The following CAPG variants were observed in gnomAD, a reference collection of about 807,000 sequenced individuals.
CAPG encodes the protein capping actin protein, gelsolin like.
CAPG carries 32 observed loss-of-function variants against 44.6 expected under a neutral mutation model. The ratio of observed to expected loss-of-function variants is 0.72; its 90% CI spans 0.54 to 0.96. The LOEUF is 0.96. Among genes scored for constraint, CAPG ranks in the 50% least tolerant of loss-of-function variants. The pLI, the probability that CAPG is intolerant of heterozygous loss-of-function variation, is 0.00. For missense variants in CAPG, 412 were observed against 438.3 expected, an observed-to-expected ratio of 0.94 and a Z score of 0.54; for synonymous variants, 175 against 179.6, an observed-to-expected ratio of 0.97 and a Z score of 0.20.
intron 1 of CAPG, among the ~76,000 whole-genome samples, chr2:85,416,061 C>A (rs1445691478): frequency 2.0e-5 from 3 of 152,078 alleles, no homozygotes; most frequent in African/African-American, 7.2e-5. Context: ...ATGCAAGATA[C>A]CATCACCATT....
chr2:85,401,457 G>A (rs1425183941), intron 4 of CAPG, 72 bp downstream of exon 4: 9 of 1,593,030 alleles, frequency 5.6e-6, no homozygotes, highest in African/African-American at 1.3e-5. Flanking sequence ...TCTGCAGGGT[G>A]AGAACCAGCC....
rs1216183195 is a variant in CAPG at position 85,395,937 on chromosome 2, G to A, written c.893-311C>T. On this transcript the variant is annotated intron_variant, in intron 8 of 9. Coordinates refer to ENST00000263867, the MANE Select transcript of CAPG (RefSeq NM_001747.4). The surrounding 1 kb of genome is among the most constrained non-coding windows in gnomAD (Gnocchi z 4.3). ...GGAACAGGTGTTCACCCTAGCATCAGACTGTGAGGCCGCAGGTCTCCTTTT... is the reference window on the plus strand; with the variant it reads ...GGAACAGGTGTTCACCCTAGCATCAAACTGTGAGGCCGCAGGTCTCCTTTT... 1 of 324,928 alleles carries A rather than the reference G, an allele frequency of 3.1e-6. No individual in the cohort carries two copies. The highest frequency in any genetic ancestry group is 9.3e-4 in the Middle Eastern group (1 of 1,072). The allele number at this position is 324,928 out of a possible 1,614,324, so 20.1% of individuals were successfully genotyped here. A position where few individuals can be genotyped will look rare whatever the true frequency, so the allele number is the denominator to read the frequency against.
intron 1 of CAPG, among the ~76,000 whole-genome samples, chr2:85,406,053 G>A (rs918598602): frequency 3.3e-5 from 5 of 152,286 alleles, no homozygotes; most frequent in Admixed American, 6.5e-5. Flanking sequence ...TGTAATCCTA[G>A]CACTTTGGGA....
At chr2:85,416,596 TC>T (rs370278165) in intron 1 of CAPG, among the ~76,000 whole-genome samples, 4 of 151,172 alleles carry the variant, frequency 2.6e-5, no homozygotes, top group South Asian at 2.1e-4. Flanking sequence ...ACTGCAACCT[TC>T]CCCCCCGCCG....
chr2:85,417,548 T>C (rs1300654758), intron 1 of CAPG, among the ~76,000 whole-genome samples: 1 of 144,852 alleles, frequency 6.9e-6, no homozygotes, highest in Non-Finnish European at 1.5e-5. Flanking sequence ...AGTGGCACCA[T>C]CTCGGCTCAC....
At chr2:85,417,377 A>G (rs1687579755) in intron 1 of CAPG, among the ~76,000 whole-genome samples, 1 of 151,702 alleles carries the variant, frequency 6.6e-6, no homozygotes, top group South Asian at 2.1e-4. Context: ...GCGGCAGAGG[A>G]TAGATGGGAG....
upstream of CAPG, among the ~76,000 whole-genome samples, chr2:85,411,079 C>A (rs1307222543): frequency 6.6e-6 from 1 of 152,092 alleles, no homozygotes; most frequent in Non-Finnish European, 1.5e-5. Flanking sequence ...TGGTCTAGAA[C>A]TCCTGAACTG....
Position 85,394,806 on chromosome 2 carries a change from G to A in CAPG, c.*87C>T, listed in dbSNP as rs1686504298. ...TCTCCTTTATTGAACATCTGCAGGG[G>A]GCACCTCTGCACTGACCAGGCAGCC... On this transcript the variant is annotated 3_prime_UTR_variant, in exon 10 of 10. Transcript: ENST00000263867. 2 of 904,392 alleles carry A rather than the reference G, an allele frequency of 2.2e-6. No homozygotes were observed. Among genetic ancestry groups the A allele is most frequent in the Admixed American group, 1.7e-5 (1 of 58,434 alleles). 56.0% of individuals were successfully genotyped at this position (904,392 alleles called of 1,614,324 possible). A position where few individuals can be genotyped will look rare whatever the true frequency, so the allele number is the denominator to read the frequency against.
rs1392349652 is a variant in CAPG, at chr2:85,401,682, G to A, written c.198C>T (p.Gly66=). Residue 66 remains glycine, a splice_region_variant and synonymous_variant, in exon 4 of 10, where the codon GGC becomes GGT. Coordinates refer to ENST00000263867, the MANE Select transcript of CAPG (RefSeq NM_001747.4). The stretch of plus-strand genomic sequence containing the variant: ...CCTGCTCATCCCGGGATGACTGCTG[G>A]CCTGGGACAAGTGGGAGAGGGCAGG... The part of the protein sequence containing the change: ...EEVSHLHLWI[G]QQSSRDEQGA... 6.2e-7 allele frequency: 1 copy of A among 1,614,150 alleles called. No homozygotes were observed. Among genetic ancestry groups the A allele is most frequent in the Non-Finnish European group, 8.5e-7 (1 of 1,180,016 alleles).
At chr2:85,411,994 G>A (rs1162327007), upstream of CAPG, among the ~76,000 whole-genome samples, 8 of 151,786 alleles carry the variant, frequency 5.3e-5, no homozygotes, top group Non-Finnish European at 1.0e-4. Flanking sequence ...CCCAGGAGGC[G>A]GAGGCTGCAG....
At chr2:85,419,510 CTT>C (rs1019267091), upstream of CAPG, among the ~76,000 whole-genome samples, 1 of 152,210 alleles carries the variant, frequency 6.6e-6, no homozygotes, top group African/African-American at 2.4e-5. Context: ...AGGGCAGCCT[CTT>C]TCCAGAGGCC....
downstream of CAPG, among the ~76,000 whole-genome samples, chr2:85,392,420 C>T (rs1206549134): frequency 6.6e-6 from 1 of 150,512 alleles, no homozygotes; most frequent in Non-Finnish European, 1.5e-5. Flanking sequence ...GCCTCCAGGC[C>T]AGGGTACCTG....
intron 5 of CAPG, among the ~76,000 whole-genome samples, chr2:85,400,105 A>T (rs987041278): frequency 2.0e-5 from 3 of 151,946 alleles, no homozygotes; most frequent in African/African-American, 7.3e-5. Flanking sequence ...ACCTATCTCC[A>T]CCTACTAGAA....
At chr2:85,393,860 G>A (rs1395738674), downstream of CAPG, among the ~76,000 whole-genome samples, 6 of 152,334 alleles carry the variant, frequency 3.9e-5, no homozygotes, top group East Asian at 1.9e-4. Context: ...CACCGCACCC[G>A]GCTGGGGTAT....
intron 1 of CAPG, chr2:85,408,837 A>G (rs1687292436): frequency 6.6e-6 from 1 of 152,386 alleles, no homozygotes; most frequent in Admixed American, 6.6e-5. Context: ...GGGAGGAATA[A>G]AACAAAAAAA....
intron 1 of CAPG, among the ~76,000 whole-genome samples, chr2:85,408,073 T>C (rs1409644812): frequency 6.6e-6 from 1 of 152,116 alleles, no homozygotes; most frequent in Non-Finnish European, 1.5e-5. Flanking sequence ...CTGGGCACAG[T>C]GGCTCATGCC....
chr2:85,418,136 C>G (rs1687609389), intron 1 of CAPG: 1 of 152,198 alleles, frequency 6.6e-6, no homozygotes, highest in African/African-American at 2.4e-5. Flanking sequence ...ACTCTTACAC[C>G]GAAAGGGCCC....
chr2:85,412,864 C>T (rs542513417), upstream of CAPG, among the ~76,000 whole-genome samples: 1 of 152,234 alleles, frequency 6.6e-6, no homozygotes, highest in Admixed American at 6.5e-5. Context: ...CTCCCTGTGC[C>T]CCAATCTGTA....
intron 1 of CAPG, among the ~76,000 whole-genome samples, chr2:85,403,145 C>G (rs1010014865): frequency 3.9e-5 from 6 of 151,998 alleles, no homozygotes; most frequent in Non-Finnish European, 7.4e-5. Flanking sequence ...ACACAAATAT[C>G]AATACAGAAA....
Sources: allele counts gnomAD v4.1 joint callset (sites outside exome capture counted in the v4.1 genomes callset), GRCh38; gene constraint gnomAD v4.1.1; non-coding constraint Gnocchi (gnomAD v3.1); transcripts MANE v1.5; gene names NCBI Gene and HGNC (gene_info 2026-07-23, HGNC 2026-07-21).